FAM13C: variants seen among roughly 807,000 people sequenced by gnomAD.
FAM13C encodes protein FAM13C.
In FAM13C, 37 loss-of-function variants were observed where a neutral mutation model predicts 73.2. The observed-to-expected ratio is 0.51, with a 90% CI of 0.39 to 0.67. The LOEUF (loss-of-function observed/expected upper bound fraction) is 0.67. Ranked by LOEUF, FAM13C falls within the 30% of genes least tolerant of loss-of-function variation. FAM13C has a pLI of 0.00. For missense variants in FAM13C, 589 were observed against 715.6 expected, an observed-to-expected ratio of 0.82 and a Z score of 2.02; for synonymous variants, 246 against 260.9, an observed-to-expected ratio of 0.94 and a Z score of 0.55.
At chr10:59,320,709 G>T (rs1850115621) in intron 4 of FAM13C, among the ~76,000 whole-genome samples, 1 of 152,224 alleles carries the variant, frequency 6.6e-6, no homozygotes. Context: ...GAAACAGCCG[G>T]ATTCGTTACA....
intron 2 of FAM13C, among the ~76,000 whole-genome samples, chr10:59,352,979 A>C (rs919347445): frequency 1.5e-4 from 23 of 152,192 alleles, no homozygotes; most frequent in African/African-American, 5.3e-4. Context: ...TGGCAATGTC[A>C]GTTTATAATC....
chr10:59,341,564 C>G (rs1034518506), intron 3 of FAM13C, among the ~76,000 whole-genome samples: 1 of 152,122 alleles, frequency 6.6e-6, no homozygotes, highest in African/African-American at 2.4e-5. Context: ...TGGTGCATGC[C>G]TGTAATCCCA....
At chr10:59,349,646 T>C (rs284612) in intron 3 of FAM13C, among the ~76,000 whole-genome samples, 144,312 of 152,112 alleles carry the variant, frequency 0.95, 68,720 homozygotes, top group Middle Eastern at 0.99. Context: ...GCCCGTAGTC[T>C]CCATTACTTG....
intron 5 of FAM13C, among the ~76,000 whole-genome samples, chr10:59,284,826 A>G (rs1480989881): frequency 6.7e-6 from 1 of 148,802 alleles, no homozygotes; most frequent in Non-Finnish European, 1.5e-5. Flanking sequence ...ACACATACCC[A>G]TGCACACCCA....
chr10:59,326,193 A>G (rs1246885044), intron 3 of FAM13C, among the ~76,000 whole-genome samples: 1 of 152,158 alleles, frequency 6.6e-6, no homozygotes, highest in East Asian at 1.9e-4. Context: ...CCTCCTTAAT[A>G]TGCTTAGATC....
In FAM13C at chr10:59,246,309, T is replaced by C. The variant is rs41283700; in HGVS notation, c.*1305A>G. On this transcript the variant is annotated 3_prime_UTR_variant, in exon 14 of 14. Coordinates refer to ENST00000618804, the MANE Select transcript of FAM13C (RefSeq NM_198215.4). ...ATCTGTCCTGTTAGAAGTAGATGAC[T>C]TCAATTAAACAAATTTATGAAGGAC... 1.6e-5 allele frequency: 3 copies of C among 183,684 alleles called. No individual in the cohort carries two copies. The highest frequency in any genetic ancestry group is 3.4e-5 in the Non-Finnish European group (3 of 88,868). 11.4% of individuals were successfully genotyped at this position (183,684 alleles called of 1,614,324 possible).
chr10:59,355,755 T>A (rs902185828), intron 2 of FAM13C, 132 bp downstream of exon 2: 5 of 935,502 alleles, frequency 5.3e-6, no homozygotes, highest in Non-Finnish European at 8.1e-6. Context: ...GAGGTAAAAA[T>A]CTAGTAGAAG....
At chr10:59,263,676 C>G (rs973765530) in intron 9 of FAM13C, among the ~76,000 whole-genome samples, 1 of 152,170 alleles carries the variant, frequency 6.6e-6, no homozygotes, top group East Asian at 1.9e-4. Flanking sequence ...CCTGGCCCAC[C>G]ACCTTCCAGC....
At chr10:59,338,731 G>A (rs1288210037) in intron 3 of FAM13C, among the ~76,000 whole-genome samples, 2 of 152,056 alleles carry the variant, frequency 1.3e-5, no homozygotes, top group South Asian at 2.1e-4. Flanking sequence ...CAGTCATATT[G>A]CCCTATGCCC....
At chr10:59,264,941 A>G (rs1842872369) in intron 8 of FAM13C, among the ~76,000 whole-genome samples, 1 of 152,166 alleles carries the variant, frequency 6.6e-6, no homozygotes, top group Admixed American at 6.5e-5. Context: ...TCAAGGTGAC[A>G]TGATCATAAA....
At chr10:59,322,364 G>A (rs530185642) in intron 4 of FAM13C, among the ~76,000 whole-genome samples, 4 of 152,268 alleles carry the variant, frequency 2.6e-5, no homozygotes, top group Non-Finnish European at 4.4e-5. Flanking sequence ...TGCTGACAGC[G>A]GTGCACAGAA....
rs1236515388 is a variant in FAM13C at position 59,247,311 on chromosome 10, T to C, written c.*303A>G. 3.3e-6 allele frequency: 1 copy of C among 302,702 alleles called. No individual in the cohort carries two copies. The highest frequency in any genetic ancestry group is 2.3e-5 in the African/African-American group (1 of 44,308). 18.8% of individuals were successfully genotyped at this position (302,702 alleles called of 1,614,324 possible). A position where few individuals can be genotyped will look rare whatever the true frequency, so the allele number is the denominator to read the frequency against. The stretch of plus-strand genomic sequence containing the variant: ...TCCCTAACAAGTGTCCTAGCTATGT[T>C]ATTTAGATTTGATAAAATATTAGAC... On this transcript the variant is annotated 3_prime_UTR_variant, in exon 14 of 14. Transcript: ENST00000618804.
At chr10:59,312,554 G>C (rs1849055379) in intron 4 of FAM13C, among the ~76,000 whole-genome samples, 1 of 152,106 alleles carries the variant, frequency 6.6e-6, no homozygotes, top group Non-Finnish European at 1.5e-5. Flanking sequence ...TGTCACTCCT[G>C]TTTATAACCT....
At chr10:59,338,765 A>G (rs935397970) in intron 3 of FAM13C, among the ~76,000 whole-genome samples, 3 of 152,092 alleles carry the variant, frequency 2.0e-5, no homozygotes, top group African/African-American at 7.2e-5. Flanking sequence ...TTGCCAGTCT[A>G]CTTAGTGCCT....
In FAM13C at chr10:59,352,423, C is replaced by T. The variant is rs1165751212; in HGVS notation, c.171G>A (p.Glu57=). Residue 57 remains glutamate, a synonymous_variant, in exon 3 of 14, where the codon GAG becomes GAA. Coordinates refer to ENST00000618804, the MANE Select transcript of FAM13C (RefSeq NM_198215.4). The stretch of plus-strand genomic sequence containing the variant: ...GCGGCTCCCAAGAGGGCGGCGCGTG[C>T]TCTTCTACCAGAGCCCCTGCGTCGG... ...NYPDAGALVE[E]HAPPSWEPQQ... The T allele has an allele frequency of 1.2e-6, 2 of 1,613,688 alleles. No individual in the cohort carries two copies. Among genetic ancestry groups the T allele is most frequent in the Admixed American group, 3.3e-5 (2 of 59,978 alleles).
chr10:59,333,760 A>G (rs1852333389), intron 3 of FAM13C, among the ~76,000 whole-genome samples: 1 of 152,202 alleles, frequency 6.6e-6, no homozygotes, highest in Non-Finnish European at 1.5e-5. Context: ...CTATTTCCAA[A>G]GCAGTCATGA....
At chr10:59,309,913 G>A (rs1441474146) in intron 4 of FAM13C, among the ~76,000 whole-genome samples, 2 of 152,052 alleles carry the variant, frequency 1.3e-5, no homozygotes, top group Non-Finnish European at 2.9e-5. Context: ...ATTTCTGAGT[G>A]TGTAAAGTAA....
chr10:59,340,753 C>T (rs953916648), intron 3 of FAM13C, among the ~76,000 whole-genome samples: 12 of 151,770 alleles, frequency 7.9e-5, no homozygotes. Context: ...AGGAAATAGC[C>T]TTAAACCATT....
Position 59,246,579 on chromosome 10 carries a change from G to A in FAM13C, c.*1035C>T, listed in dbSNP as rs191350440. On this transcript the variant is annotated 3_prime_UTR_variant, in exon 14 of 14. Coordinates refer to ENST00000618804, the MANE Select transcript of FAM13C (RefSeq NM_198215.4). ...AAATGAAAATAATAAACATGTTTTCGTATAAAATAACACAAAATGATATAC... is the reference window on the plus strand; with the variant it reads ...AAATGAAAATAATAAACATGTTTTCATATAAAATAACACAAAATGATATAC... 33 of 396,716 alleles carry A rather than the reference G, an allele frequency of 8.3e-5. No homozygotes were observed. Among genetic ancestry groups the A allele is most frequent in the African/African-American group, 1.2e-4 (6 of 48,642 alleles). 24.6% of individuals were successfully genotyped at this position (396,716 alleles called of 1,614,324 possible).
Sources: gnomAD v4.1 joint callset for allele counts (sites outside exome capture counted in the v4.1 genomes callset) on GRCh38, gnomAD v4.1.1 for gene constraint, MANE v1.5 for transcripts, NCBI Gene and HGNC (gene_info 2026-07-23, HGNC 2026-07-21) for gene names.